SULT1B1: variants seen among roughly 807,000 people sequenced by gnomAD.
SULT1B1 encodes sulfotransferase 1B1.
Under a neutral mutation model 34.6 loss-of-function variants are expected in SULT1B1, and 28 were observed. The ratio of observed to expected loss-of-function variants is 0.81; its 90% confidence interval spans 0.60 to 1.11. The LOEUF (loss-of-function observed/expected upper bound fraction) is 1.11. Ranked by LOEUF, SULT1B1 falls within the 50% of genes least tolerant of loss-of-function variation. The probability of loss-of-function intolerance (pLI) is 0.00; values close to 1 mark genes in which losing one functional copy is unlikely to be tolerated. For missense variants in SULT1B1, 374 were observed against 352.2 expected, an observed-to-expected ratio of 1.06 and a Z score of -0.50; for synonymous variants, 147 against 110.2, an observed-to-expected ratio of 1.33 and a Z score of -2.09.
In SULT1B1 at chr4:69,725,158, C is replaced by T. The variant is rs1344568978; in HGVS notation, c.*1930G>A. 6.6e-6 allele frequency: 1 copy of T among 150,410 alleles called. No individual in the cohort carries two copies. Among genetic ancestry groups the T allele is most frequent in the African/African-American group, 2.4e-5 (1 of 40,876 alleles). The allele number at this position is 150,410 out of a possible 1,614,324, so 9.3% of individuals were successfully genotyped here. A position where few individuals can be genotyped will look rare whatever the true frequency, so the allele number is the denominator to read the frequency against. On this transcript the variant is annotated 3_prime_UTR_variant, in exon 8 of 8. Coordinates refer to ENST00000310613, the MANE Select transcript of SULT1B1 (RefSeq NM_014465.4). ...GCTAATATCCAGAATCTACAAAGAA[C>T]TCAAACAAATTTACAAGAAAAAAAA...
rs1717679196 is a variant in SULT1B1, at chr4:69,722,071, G to A, written c.*5017C>T. 1 of 152,010 alleles carries A rather than the reference G, an allele frequency of 6.6e-6. No homozygotes were observed. Among genetic ancestry groups the A allele is most frequent in the South Asian group, 2.1e-4 (1 of 4,826 alleles). The allele number at this position is 152,010 out of a possible 1,614,324, so 9.4% of individuals were successfully genotyped here. A position where few individuals can be genotyped will look rare whatever the true frequency, so the allele number is the denominator to read the frequency against. ...TGTGTGCTGTTAAACATAAACTGAG[G>A]AATTAGGATAGTGACATTTGCATCA... is the stretch of plus-strand genomic sequence containing the variant. On this transcript the variant is annotated 3_prime_UTR_variant, in exon 8 of 8. Coordinates refer to ENST00000310613, the MANE Select transcript of SULT1B1 (RefSeq NM_014465.4).
At position 69,723,868 on chromosome 4, in the gene SULT1B1, T is replaced by C. The variant is rs1717726373; in HGVS notation, c.*3220A>G. 1 of 152,180 alleles carries C rather than the reference T, an allele frequency of 6.6e-6. No homozygotes were observed. The highest frequency in any genetic ancestry group is 1.5e-5 in the Non-Finnish European group (1 of 68,040). 9.4% of individuals were successfully genotyped at this position (152,180 alleles called of 1,614,324 possible). A position where few individuals can be genotyped will look rare whatever the true frequency, so the allele number is the denominator to read the frequency against. On this transcript the variant is annotated 3_prime_UTR_variant, in exon 8 of 8. Coordinates refer to ENST00000310613, the MANE Select transcript of SULT1B1 (RefSeq NM_014465.4). The stretch of plus-strand genomic sequence containing the variant: ...CTCAATAAATTAGGTATTGATGGAA[T>C]GTATCTCAAAATAAGGAGAGCCCTC...
chr4:69,755,608 C>G (rs963755341), intron 1 of SULT1B1, among the ~76,000 whole-genome samples: 2 of 152,176 alleles, frequency 1.3e-5, no homozygotes, highest in Non-Finnish European at 2.9e-5. Flanking sequence ...TTCAGCTACA[C>G]GTCATTTTTC....
At chr4:69,731,768 T>C (rs1229957800) in intron 6 of SULT1B1, among the ~76,000 whole-genome samples, 1 of 152,174 alleles carries the variant, frequency 6.6e-6, no homozygotes, top group Non-Finnish European at 1.5e-5. Context: ...TGGATATGCT[T>C]AAAAAGGTAA....
Position 69,723,933 on chromosome 4 carries a change from A to C in SULT1B1, c.*3155T>G, listed in dbSNP as rs932061435. ...AGCCAATATCATACTGCATGGGCAA[A>C]ACCTGGAAGCATTCCCTTTGAAAAC... On this transcript the variant is annotated 3_prime_UTR_variant, in exon 8 of 8. Coordinates refer to ENST00000310613, the MANE Select transcript of SULT1B1 (RefSeq NM_014465.4). 4 of 152,428 alleles carry C rather than the reference A, an allele frequency of 2.6e-5. No individual in the cohort carries two copies. The highest frequency in any genetic ancestry group is 5.9e-5 in the Non-Finnish European group (4 of 68,098). 9.4% of individuals were successfully genotyped at this position (152,428 alleles called of 1,614,324 possible).
Position 69,725,696 on chromosome 4 carries a change from A to G in SULT1B1, c.*1392T>C, listed in dbSNP as rs1399559453. 3 of 152,102 alleles carry G rather than the reference A, an allele frequency of 2.0e-5. No individual in the cohort carries two copies. Among genetic ancestry groups the G allele is most frequent in the Non-Finnish European group, 4.4e-5 (3 of 68,030 alleles). The allele number at this position is 152,102 out of a possible 1,614,324, so 9.4% of individuals were successfully genotyped here. A position where few individuals can be genotyped will look rare whatever the true frequency, so the allele number is the denominator to read the frequency against. ...CCATAGAATACTGTGCAGCCATAAAAAATGATGAGTTCATGTCCTTTGTAG... is the reference window on the plus strand; with the variant it reads ...CCATAGAATACTGTGCAGCCATAAAGAATGATGAGTTCATGTCCTTTGTAG... On this transcript the variant is annotated 3_prime_UTR_variant, in exon 8 of 8. Coordinates refer to ENST00000310613, the MANE Select transcript of SULT1B1 (RefSeq NM_014465.4).
At chr4:69,753,548 A>T (rs777435896) in intron 3 of SULT1B1, among the ~76,000 whole-genome samples, 2 of 152,030 alleles carry the variant, frequency 1.3e-5, no homozygotes, top group Non-Finnish European at 2.9e-5. Flanking sequence ...TTTGCATCCC[A>T]CTTTTTCCTT....
In SULT1B1 at chr4:69,726,468, C is replaced by T. The variant is rs547560382; in HGVS notation, c.*620G>A. On this transcript the variant is annotated 3_prime_UTR_variant, in exon 8 of 8. Transcript: ENST00000310613. ...TCCCAGGTAACCAATCCTACAGAGA[C>T]TATTGTAGGCGTTTGCCTTTCGGAG... 6.6e-6 allele frequency: 1 copy of T among 151,892 alleles called. No individual in the cohort carries two copies. The highest frequency in any genetic ancestry group is 1.5e-5 in the Non-Finnish European group (1 of 67,964). 9.4% of individuals were successfully genotyped at this position (151,892 alleles called of 1,614,324 possible).
intron 4 of SULT1B1, among the ~76,000 whole-genome samples, chr4:69,747,841 G>C (rs1299104138): frequency 6.6e-6 from 1 of 152,058 alleles, no homozygotes; most frequent in Non-Finnish European, 1.5e-5. Context: ...AATGAGTCAT[G>C]GTGCTCAGCA....
Position 69,727,097 on chromosome 4 carries a change from T to C in SULT1B1, c.882A>G (p.Thr294=). The change falls in exon 8 of 8, where the codon ACA becomes ACG. Residue 294 remains threonine (T), a synonymous_variant. Coordinates refer to ENST00000310613, the MANE Select transcript of SULT1B1 (RefSeq NM_014465.4). ...EMSKTALQFR[T]EI is the part of the protein sequence containing the mutation. ...GTGTGATTTAGACACTTTAAATCTC[T>C]GTGCGGAATTGAAGTGCAGTTTTGG... 1.2e-6 allele frequency: 2 copies of C among 1,602,436 alleles called. 1 individual carries two copies. Among genetic ancestry groups the C allele is most frequent in the South Asian group, 2.2e-5 (2 of 89,126 alleles).
Position 69,722,185 on chromosome 4 carries a change from T to C in SULT1B1, c.*4903A>G, listed in dbSNP as rs981972652. On this transcript the variant is annotated 3_prime_UTR_variant, in exon 8 of 8. Transcript: ENST00000310613. The stretch of plus-strand genomic sequence containing the variant: ...TTATCTCCACTCTTCACTCAGTGCA[T>C]AGAAACATACCTGAGGCATAATTAC... 1 of 152,138 alleles carries C rather than the reference T, an allele frequency of 6.6e-6. No individual in the cohort carries two copies. Among genetic ancestry groups the C allele is most frequent in the Admixed American group, 6.6e-5 (1 of 15,266 alleles). 9.4% of individuals were successfully genotyped at this position (152,138 alleles called of 1,614,324 possible). A position where few individuals can be genotyped will look rare whatever the true frequency, so the allele number is the denominator to read the frequency against.
chr4:69,740,446 C>T (rs1718501103), intron 4 of SULT1B1, among the ~76,000 whole-genome samples: 1 of 152,184 alleles, frequency 6.6e-6, no homozygotes, highest in Non-Finnish European at 1.5e-5. Context: ...TGAGAACTCA[C>T]TCACTATCAT....
At chr4:69,748,256 A>T (rs1190908333) in intron 4 of SULT1B1, among the ~76,000 whole-genome samples, 1 of 152,212 alleles carries the variant, frequency 6.6e-6, no homozygotes, top group Non-Finnish European at 1.5e-5. Context: ...GACAAGATAG[A>T]CGTCAGTGGA....
intron 2 of SULT1B1, 48 bp from the exon 3 acceptor site, chr4:69,754,846 G>T (rs773334885): frequency 6.3e-7 from 1 of 1,583,454 alleles, no homozygotes; most frequent in African/African-American, 1.4e-5. Context: ...AATTGCACGG[G>T]AGAGGGAGAA....
At chr4:69,731,916 G>A (rs1035198791) in intron 6 of SULT1B1, among the ~76,000 whole-genome samples, 5 of 152,180 alleles carry the variant, frequency 3.3e-5, no homozygotes, top group African/African-American at 9.6e-5. Context: ...GCCAAACAGA[G>A]AGAATGTATT....
At position 69,754,770 on chromosome 4, in the gene SULT1B1, G is replaced by T. The variant is rs370533617; in HGVS notation, c.177C>A (p.Asp59Glu). The change falls in exon 3 of 8, where the codon GAC becomes GAA. Residue 59 changes from aspartate to glutamate, a missense_variant. By Grantham distance (45) the Asp-to-Glu change is conservative. Transcript: ENST00000310613. ...SGTTWVSEII[D>E]MILNDGDIEK... is the part of the protein sequence containing the mutation. Reference sequence around the variant, plus strand: ...CAATATCTCCATCATTTAGAATCATGTCTATAATTTCACTAACCCAAGTAG... The same window carrying T: ...CAATATCTCCATCATTTAGAATCATTTCTATAATTTCACTAACCCAAGTAG... The T allele has an allele frequency of 6.2e-7, 1 of 1,612,418 alleles. No individual in the cohort carries two copies. The highest frequency in any genetic ancestry group is 8.5e-7 in the Non-Finnish European group (1 of 1,179,218).
intron 1 of SULT1B1, among the ~76,000 whole-genome samples, chr4:69,758,732 A>G (rs1317990978): frequency 6.6e-6 from 1 of 152,186 alleles, no homozygotes; most frequent in East Asian, 1.9e-4. Flanking sequence ...CCATGTAGCA[A>G]GTAGCTTATA....
chr4:69,755,760 ATG>A (rs150339756), intron 1 of SULT1B1, among the ~76,000 whole-genome samples: 2 of 151,300 alleles, frequency 1.3e-5, no homozygotes, highest in African/African-American at 2.4e-5. Flanking sequence ...GGTTATTTTC[ATG>A]TGTGTGTGTG....
chr4:69,740,870 A>G (rs1437829395), intron 4 of SULT1B1, among the ~76,000 whole-genome samples: 7 of 152,106 alleles, frequency 4.6e-5, no homozygotes, highest in South Asian at 2.1e-4. Flanking sequence ...CGCATTTTCT[A>G]TGCAGAAACT....
Sources: gnomAD v4.1 joint callset for allele counts (sites outside exome capture counted in the v4.1 genomes callset) on GRCh38, gnomAD v4.1.1 for gene constraint, MANE v1.5 for transcripts, NCBI Gene and HGNC (gene_info 2026-07-23, HGNC 2026-07-21) for gene names.